Variants in ST18 observed in about 807,000 individuals in gnomAD.
ST18 encodes suppression of tumorigenicity 18 protein.
In ST18, 50 loss-of-function variants were observed where a neutral mutation model predicts 110.0. That is an observed-to-expected ratio of 0.45 (90% CI 0.36 to 0.58). The LOEUF is 0.58. Ranked by LOEUF, ST18 falls within the 20% of genes least tolerant of loss-of-function variation. The pLI, the probability that ST18 is intolerant of heterozygous loss-of-function variation, is 0.00. For missense variants in ST18, 1,306 were observed against 1,280.1 expected (o/e 1.02, Z -0.31); for synonymous variants, 461 against 452.4 (o/e 1.02, Z -0.24).
intron 2 of ST18, among the ~76,000 whole-genome samples, chr8:52,350,475 C>G (rs986977476): frequency 9.2e-5 from 14 of 152,148 alleles, no homozygotes; most frequent in African/African-American, 3.4e-4. Context: ...AGAGGGTACT[C>G]AAGTACCATC....
At chr8:52,286,629 T>C (rs886484531) in intron 2 of ST18, among the ~76,000 whole-genome samples, 2 of 152,054 alleles carry the variant, frequency 1.3e-5, no homozygotes, top group African/African-American at 4.8e-5. Flanking sequence ...CACAGAAATA[T>C]GGGTCACCTC....
chr8:52,350,726 T>G (rs1819910121), intron 2 of ST18, among the ~76,000 whole-genome samples: 1 of 142,502 alleles, frequency 7.0e-6, no homozygotes, highest in African/African-American at 2.5e-5. Flanking sequence ...TATATATACT[T>G]TTTTTTTTTT....
intron 23 of ST18, among the ~76,000 whole-genome samples, chr8:52,125,406 TAC>T (rs1378024456): frequency 1.2e-5 from 1 of 81,404 alleles, no homozygotes; most frequent in South Asian, 3.3e-4. Flanking sequence ...CACACACACA[TAC>T]ACACACACGA....
intron 2 of ST18, among the ~76,000 whole-genome samples, chr8:52,302,424 G>T (rs1041029384): frequency 6.6e-6 from 1 of 152,172 alleles, no homozygotes; most frequent in African/African-American, 2.4e-5. Flanking sequence ...GTATTTATGT[G>T]TGTATGTTTA....
At chr8:52,132,223 G>T (rs1318246835) in intron 21 of ST18, 44 bp from the exon 22 acceptor site, 1 of 1,530,276 alleles carries the variant, frequency 6.5e-7, no homozygotes, top group Non-Finnish European at 8.9e-7. Context: ...AGAAGGCAGT[G>T]ATAGTCCTAT....
intron 2 of ST18, among the ~76,000 whole-genome samples, chr8:52,335,000 T>C (rs1032692144): frequency 6.6e-5 from 10 of 152,202 alleles, no homozygotes; most frequent in African/African-American, 2.2e-4. Context: ...AACAAAATTA[T>C]AGTATGTGAA....
intron 2 of ST18, among the ~76,000 whole-genome samples, chr8:52,353,602 G>T (rs73679074): frequency 0.022 from 3,367 of 152,280 alleles, 119 homozygotes; most frequent in African/African-American, 0.078. Flanking sequence ...GAGGCAAAGT[G>T]AATGTATTAT....
At chr8:52,258,712 A>T (rs536475776) in intron 2 of ST18, among the ~76,000 whole-genome samples, 31 of 152,212 alleles carry the variant, frequency 2.0e-4, no homozygotes, top group Admixed American at 1.3e-3. Context: ...AATCCAGATG[A>T]CTTATATTTC....
chr8:52,330,424 T>C (rs921264743), intron 2 of ST18, among the ~76,000 whole-genome samples: 3 of 152,202 alleles, frequency 2.0e-5, no homozygotes, highest in East Asian at 3.9e-4. Flanking sequence ...AATACACCTC[T>C]TTCATAAAAA....
chr8:52,376,270 C>T (rs1000283105), intron 2 of ST18, among the ~76,000 whole-genome samples: 2 of 152,100 alleles, frequency 1.3e-5, no homozygotes, highest in African/African-American at 4.8e-5. Context: ...ATCTCTCTGA[C>T]CTTCTCTCTT....
intron 2 of ST18, among the ~76,000 whole-genome samples, chr8:52,384,605 ACT>A (rs1835819739): frequency 6.6e-6 from 1 of 151,382 alleles, no homozygotes. Flanking sequence ...CCTTAATTCA[ACT>A]CTCTCACCAA....
At chr8:52,177,776 A>G (rs2067485289) in intron 9 of ST18, among the ~76,000 whole-genome samples, 1 of 152,186 alleles carries the variant, frequency 6.6e-6, no homozygotes, top group Non-Finnish European at 1.5e-5. Context: ...TCTTCCTTCT[A>G]ACACCTATAA....
chr8:52,201,260 G>A (rs2077857687), intron 8 of ST18: 1 of 152,420 alleles, frequency 6.6e-6, no homozygotes, highest in East Asian at 1.9e-4. Flanking sequence ...AGGACAGACT[G>A]TAGGCTCTGG....
intron 2 of ST18, among the ~76,000 whole-genome samples, chr8:52,331,077 C>A (rs938644622): frequency 1.3e-5 from 2 of 152,248 alleles, no homozygotes; most frequent in African/African-American, 2.4e-5. Flanking sequence ...TGCTGTGCAA[C>A]TGCTTCCTGC....
intron 8 of ST18, among the ~76,000 whole-genome samples, chr8:52,207,587 A>T (rs1427713382): frequency 6.6e-6 from 1 of 152,254 alleles, no homozygotes; most frequent in African/African-American, 2.4e-5. Context: ...AAAATGCCAA[A>T]TGATAGGATT....
intron 2 of ST18, among the ~76,000 whole-genome samples, chr8:52,300,460 A>G (rs1356466643): frequency 6.6e-6 from 1 of 152,188 alleles, no homozygotes; most frequent in African/African-American, 2.4e-5. Flanking sequence ...TATGACAAAC[A>G]TATTTAAGCG....
chr8:52,269,375 C>T lies in ST18; in HGVS notation c.-464-39298G>A, dbSNP rs143023286. On this transcript the variant is annotated intron_variant, in intron 2 of 25. Coordinates refer to ENST00000689386, the MANE Select transcript of ST18 (RefSeq NM_001352837.2). The stretch of plus-strand genomic sequence containing the variant: ...TCCAAGGGGTAAGACTAATGTAGTT[C>T]TGGGAAACCAGGCTTCAGAAAGATC... 4.6e-3 allele frequency among the ~76,000 whole-genome samples: 696 copies of T among 152,286 alleles called. 2 individuals are homozygous for T. The highest frequency in any genetic ancestry group is 0.016 in the African/African-American group (676 of 41,548).
chr8:52,282,096 T>G (rs928252448), intron 2 of ST18, among the ~76,000 whole-genome samples: 4 of 152,078 alleles, frequency 2.6e-5, no homozygotes, highest in Non-Finnish European at 1.5e-5. Flanking sequence ...TCCAGAGCAT[T>G]ACAAAGATAT....
chr8:52,160,264 T>A (rs1315238229), intron 14 of ST18, among the ~76,000 whole-genome samples: 1 of 152,248 alleles, frequency 6.6e-6, no homozygotes, highest in African/African-American at 2.4e-5. Flanking sequence ...AACTTTTCCC[T>A]TAAATCTAAC....
Sources: allele counts gnomAD v4.1 joint callset (sites outside exome capture counted in the v4.1 genomes callset), GRCh38; gene constraint gnomAD v4.1.1; transcripts MANE v1.5; gene names NCBI Gene and HGNC (gene_info 2026-07-23, HGNC 2026-07-21).